Variants in PCDHGA3 observed in about 807,000 individuals in gnomAD.
PCDHGA3 encodes protocadherin gamma-A3.
In PCDHGA3, 40 loss-of-function variants were observed where a neutral mutation model predicts 58.5. The observed-to-expected ratio is 0.68, with a 90% CI of 0.53 to 0.89. PCDHGA3 has a LOEUF of 0.89. PCDHGA3 is among the 40% of genes least tolerant of loss of function. PCDHGA3 has a pLI of 0.00. For synonymous variants in PCDHGA3, 530 were observed against 525.7 expected, an observed-to-expected ratio of 1.01 and a Z score of -0.11; for missense variants, 1,223 against 1,195.9, an observed-to-expected ratio of 1.02 and a Z score of -0.33.
Position 141,476,605 on chromosome 5 carries a change from T to C in PCDHGA3, c.2425-18202T>C, listed in dbSNP as rs1394742940. ...CGCTCGAGAGCGCGCACGATCCCGATGTGGGAAGCAACTCTTTACAAACCT... is the reference window on the plus strand; with the variant it reads ...CGCTCGAGAGCGCGCACGATCCCGACGTGGGAAGCAACTCTTTACAAACCT... On this transcript the variant is annotated intron_variant, in intron 1 of 3. Transcript: ENST00000253812. This position sits in a 1 kb window ranked among gnomAD's most constrained non-coding sequence, Gnocchi z 7.6. 1.9e-6 allele frequency: 3 copies of C among 1,614,066 alleles called. No individual in the cohort carries two copies. In the East Asian group the frequency reaches 6.7e-5, roughly 36 times the overall value.
In PCDHGA3 at chr5:141,357,746, G is replaced by A; in HGVS notation, c.2424+11289G>A. ...TCTTTTAATATTTTATTGCTTTAAAGAAAACTGGTGGATGACCTTCCAATA... is the reference window on the plus strand; with the variant it reads ...TCTTTTAATATTTTATTGCTTTAAAAAAAACTGGTGGATGACCTTCCAATA... On this transcript the variant is annotated intron_variant, in intron 1 of 3. Coordinates refer to ENST00000253812, the MANE Select transcript of PCDHGA3 (RefSeq NM_018916.4). 3 of 1,173,014 alleles carry A rather than the reference G, an allele frequency of 2.6e-6. No individual in the cohort carries two copies. In the South Asian group the frequency reaches 4.9e-5, roughly 19 times the overall value. 72.7% of individuals were successfully genotyped at this position (1,173,014 alleles called of 1,614,324 possible). A position where few individuals can be genotyped will look rare whatever the true frequency, so the allele number is the denominator to read the frequency against.
intron 1 of PCDHGA3, chr5:141,423,809 GT>G (rs1484832928): frequency 7.9e-7 from 1 of 1,259,912 alleles, no homozygotes; most frequent in African/African-American, 1.6e-5. Context: ...ATACATGTGA[GT>G]TTTACTTTGC....
intron 1 of PCDHGA3, chr5:141,352,666 G>C (rs773765365): frequency 3.3e-5 from 52 of 1,585,710 alleles, no homozygotes; most frequent in Non-Finnish European, 4.4e-5. Flanking sequence ...CTTTGTCTTC[G>C]CACGTGAGTT....
intron 1 of PCDHGA3, chr5:141,378,176 C>A (rs541529562): frequency 6.6e-6 from 1 of 152,124 alleles, no homozygotes; most frequent in South Asian, 2.1e-4. Context: ...AACTAAGCAC[C>A]GATGCTGTGT....
intron 1 of PCDHGA3, chr5:141,361,012 A>G: frequency 6.2e-7 from 1 of 1,613,186 alleles, no homozygotes; most frequent in South Asian, 1.1e-5. Flanking sequence ...ACACTTTTTC[A>G]ACTTAAATGA....
intron 1 of PCDHGA3, among the ~76,000 whole-genome samples, chr5:141,465,907 G>C (rs1367648934): frequency 6.6e-6 from 1 of 152,056 alleles, no homozygotes; most frequent in East Asian, 1.9e-4. Flanking sequence ...CAAATCACGA[G>C]GTCAGGATTT....
At chr5:141,439,190 CAA>C (rs200519543) in intron 1 of PCDHGA3, among the ~76,000 whole-genome samples, 3 of 111,702 alleles carry the variant, frequency 2.7e-5, no homozygotes, top group Non-Finnish European at 4.0e-5. Flanking sequence ...GAGACTCTGA[CAA>C]AAAAAAAAAA....
intron 1 of PCDHGA3, chr5:141,389,727 T>C (rs1176419914): frequency 4.3e-6 from 7 of 1,612,724 alleles, no homozygotes; most frequent in Non-Finnish European, 5.9e-6. Context: ...GCCCGGGCTC[T>C]TCAGCCTGGG....
chr5:141,476,661 T>G lies in PCDHGA3; in HGVS notation c.2425-18146T>G. 1.2e-6 allele frequency: 2 copies of G among 1,614,076 alleles called. No individual in the cohort carries two copies. The highest frequency in any genetic ancestry group is 1.7e-6 in the Non-Finnish European group (2 of 1,179,938). On this transcript the variant is annotated intron_variant, in intron 1 of 3. Coordinates refer to ENST00000253812, the MANE Select transcript of PCDHGA3 (RefSeq NM_018916.4). The surrounding 1 kb of genome is among the most constrained non-coding windows in gnomAD (Gnocchi z 7.6). Reference sequence around the variant, plus strand: ...CTGAGCCGAAATGAATACTTTGCGCTTCGCGTGCAGACGCGGGAGGACAGC... The same window carrying G: ...CTGAGCCGAAATGAATACTTTGCGCGTCGCGTGCAGACGCGGGAGGACAGC...
chr5:141,372,338 T>C, intron 1 of PCDHGA3: 1 of 1,613,820 alleles, frequency 6.2e-7, no homozygotes, highest in Non-Finnish European at 8.5e-7. Context: ...CTGTGCGTGA[T>C]GGAGGACAGC....
chr5:141,421,188 C>T lies in PCDHGA3; in HGVS notation c.2425-73619C>T, dbSNP rs1364019876. 2.0e-6 allele frequency: 3 copies of T among 1,471,410 alleles called. No individual in the cohort carries two copies. The South Asian group carries it at 4.0e-5, about 20-fold the overall frequency. The allele number at this position is 1,471,410 out of a possible 1,614,324, so 91.1% of individuals were successfully genotyped here. A position where few individuals can be genotyped will look rare whatever the true frequency, so the allele number is the denominator to read the frequency against. The stretch of plus-strand genomic sequence containing the variant: ...GATACATAAGCCGATTCACAACCAA[C>T]CAGCTCGAGAAACCGCGGAATATCG... On this transcript the variant is annotated intron_variant, in intron 1 of 3. Coordinates refer to ENST00000253812, the MANE Select transcript of PCDHGA3 (RefSeq NM_018916.4).
intron 1 of PCDHGA3, chr5:141,414,994 T>G (rs1390374290): frequency 6.2e-7 from 1 of 1,613,744 alleles, no homozygotes; most frequent in South Asian, 1.1e-5. Flanking sequence ...CCAGAACGCC[T>G]GGCTGTCCTA....
intron 1 of PCDHGA3, chr5:141,395,547 TG>T (rs5871772): frequency 0.053 from 9,293 of 174,278 alleles, 481 homozygotes; most frequent in Middle Eastern, 0.08. Flanking sequence ...ATTGTTTGTG[TG>T]TGTGTGTGTG....
At chr5:141,414,948 G>A (rs957548133) in intron 1 of PCDHGA3, 20 of 1,614,084 alleles carry the variant, frequency 1.2e-5, no homozygotes, top group South Asian at 2.2e-5. Flanking sequence ...CCGGCTACCT[G>A]GTGACCAAGG....
At chr5:141,372,612 C>G in intron 1 of PCDHGA3, 1 of 1,614,004 alleles carries the variant, frequency 6.2e-7, no homozygotes, top group Non-Finnish European at 8.5e-7. Flanking sequence ...ACCTGGAGTT[C>G]TCCCCACCTA....
intron 1 of PCDHGA3, among the ~76,000 whole-genome samples, chr5:141,474,357 T>G (rs185194067): frequency 2.0e-4 from 30 of 152,302 alleles, no homozygotes; most frequent in African/African-American, 6.5e-4. Context: ...AAGTCATGTC[T>G]CAGTAGGTCT....
intron 1 of PCDHGA3, chr5:141,389,331 G>C (rs1212558688): frequency 6.2e-7 from 1 of 1,613,868 alleles, no homozygotes; most frequent in Non-Finnish European, 8.5e-7. Flanking sequence ...GGGGCCCAAC[G>C]GCCAAGTCTC....
intron 1 of PCDHGA3, among the ~76,000 whole-genome samples, chr5:141,362,796 T>C (rs1462578266): frequency 6.6e-6 from 1 of 152,252 alleles, no homozygotes; most frequent in Non-Finnish European, 1.5e-5. Context: ...TTCTTCCTCA[T>C]CTTTACATTA....
At position 141,376,756 on chromosome 5, in the gene PCDHGA3, G is replaced by C. The variant is rs1049941497; in HGVS notation, c.2424+30299G>C. The stretch of plus-strand genomic sequence containing the variant: ...CTGCGGACTGCAGTGGCGCAATCTC[G>C]GCTCACTGCAAGCTCCGCTTCCCGG... On this transcript the variant is annotated intron_variant, in intron 1 of 3. Transcript: ENST00000253812. 3.1e-5 allele frequency: 14 copies of C among 448,188 alleles called. No individual in the cohort carries two copies. The Admixed American group carries it at 4.2e-4, about 14-fold the overall frequency. The allele number at this position is 448,188 out of a possible 1,614,324, so 27.8% of individuals were successfully genotyped here. A position where few individuals can be genotyped will look rare whatever the true frequency, so the allele number is the denominator to read the frequency against.
Sources: gnomAD v4.1 joint callset for allele counts (sites outside exome capture counted in the v4.1 genomes callset) on GRCh38, gnomAD v4.1.1 for gene constraint, Gnocchi (gnomAD v3.1) non-coding constraint, MANE v1.5 for transcripts, NCBI Gene and HGNC (gene_info 2026-07-23, HGNC 2026-07-21) for gene names.